THSD7A: variants seen among roughly 807,000 people sequenced by gnomAD.
THSD7A encodes thrombospondin type-1 domain-containing protein 7A.
THSD7A carries 96 observed loss-of-function variants against 231.3 expected under a neutral mutation model. The ratio of observed to expected loss-of-function variants is 0.41; its 90% confidence interval spans 0.35 to 0.49. THSD7A has a LOEUF of 0.49. Among genes scored for constraint, THSD7A ranks in the 20% least tolerant of loss-of-function variants. The pLI is 0.05. For missense variants in THSD7A, 2,290 were observed against 2,070.2 expected, an observed-to-expected ratio of 1.11 and a Z score of -2.06; for synonymous variants, 940 against 743.3, an observed-to-expected ratio of 1.26 and a Z score of -4.30.
intron 1 of THSD7A, among the ~76,000 whole-genome samples, chr7:11,811,769 T>G (rs2355099): frequency 6.6e-6 from 1 of 152,078 alleles, no homozygotes. Flanking sequence ...TAGCTGCCTG[T>G]GGACAAATAT....
chr7:11,377,702 G>A lies in THSD7A; in HGVS notation c.4802-1045C>T, dbSNP rs549542158. 4.6e-5 allele frequency among the ~76,000 whole-genome samples: 7 copies of A among 152,124 alleles called. No individual in the cohort carries two copies. The South Asian group carries it at 1.5e-3, about 32-fold the overall frequency. On this transcript the variant is annotated intron_variant, in intron 26 of 27. Transcript: ENST00000423059. This position sits in a 1 kb window ranked among gnomAD's most constrained non-coding sequence, Gnocchi z 4.5. ...TTTAGAATCAAAAGAGCTGTTCCAC[G>A]ATTGAGGATCTCTGTTGAGAGTTTC...
rs1172707436 is a variant in THSD7A, at chr7:11,480,844, C to T, written c.2017+944G>A. Among the ~76,000 whole-genome samples the T allele has an allele frequency of 2.6e-5, 4 of 152,148 alleles. No homozygotes were observed. In the East Asian group the frequency reaches 5.8e-4, roughly 22 times the overall value. ...AAAAGTATAGGCAACACAAAACTCC[C>T]CCCAAATCGATAATTTGGGGAAAAC... On this transcript the variant is annotated intron_variant, in intron 7 of 27. Coordinates refer to ENST00000423059, the MANE Select transcript of THSD7A (RefSeq NM_015204.3).
chr7:11,537,218 A>C (rs2128321314), intron 6 of THSD7A, among the ~76,000 whole-genome samples: 1 of 152,330 alleles, frequency 6.6e-6, no homozygotes, highest in South Asian at 2.1e-4. Flanking sequence ...ATCTTATTAC[A>C]GAAGGAAGAA....
At position 11,634,290 on chromosome 7, in the gene THSD7A, T is replaced by C. The variant is rs569119505; in HGVS notation, c.1022+1840A>G. ...TAAACTCTGCAGTTTTAAATATGTT[T>C]GTTTAATTCAAACAACTGGATGAGA... On this transcript the variant is annotated intron_variant, in intron 2 of 27. Transcript: ENST00000423059. The surrounding 1 kb of genome is among the most constrained non-coding windows in gnomAD (Gnocchi z 4.1). Among the ~76,000 whole-genome samples the C allele has an allele frequency of 1.3e-5, 2 of 152,312 alleles. No homozygotes were observed. The highest frequency in any genetic ancestry group is 4.8e-5 in the African/African-American group (2 of 41,582).
At chr7:11,550,863 G>A (rs536575050) in intron 4 of THSD7A, among the ~76,000 whole-genome samples, 2 of 151,930 alleles carry the variant, frequency 1.3e-5, no homozygotes, top group Non-Finnish European at 2.9e-5. Context: ...AATTAATATG[G>A]AACTGAAAAG....
At chr7:11,480,560 A>G (rs557709019) in intron 7 of THSD7A, among the ~76,000 whole-genome samples, 1 of 152,120 alleles carries the variant, frequency 6.6e-6, no homozygotes, top group Non-Finnish European at 1.5e-5. Context: ...GTATTTTTCA[A>G]TAGATACACT....
At chr7:11,587,949 G>C (rs1779982846) in intron 4 of THSD7A, among the ~76,000 whole-genome samples, 1 of 152,144 alleles carries the variant, frequency 6.6e-6, no homozygotes, top group South Asian at 2.1e-4. Flanking sequence ...GTGAAAACAA[G>C]TCATCTAGAG....
At chr7:11,681,321 G>A (rs1320366420) in intron 1 of THSD7A, among the ~76,000 whole-genome samples, 1 of 151,892 alleles carries the variant, frequency 6.6e-6, no homozygotes, top group African/African-American at 2.4e-5. Flanking sequence ...CATAGGCATG[G>A]GCAATGTATA....
chr7:11,562,939 A>C (rs991360912), intron 4 of THSD7A, among the ~76,000 whole-genome samples: 12 of 152,326 alleles, frequency 7.9e-5, no homozygotes, highest in Middle Eastern at 3.4e-3. Context: ...AAGCAGTTTT[A>C]ATTTCAAGAA....
intron 2 of THSD7A, among the ~76,000 whole-genome samples, chr7:11,598,402 C>A (rs1325467258): frequency 1.3e-5 from 2 of 152,174 alleles, no homozygotes; most frequent in Admixed American, 6.5e-5. Flanking sequence ...TCTGTGGACA[C>A]CATTCAGCCT....
intron 1 of THSD7A, among the ~76,000 whole-genome samples, chr7:11,659,747 C>A (rs945392605): frequency 1.1e-4 from 17 of 151,412 alleles, no homozygotes; most frequent in African/African-American, 4.1e-4. Context: ...AAATGTCCAG[C>A]TGCTTAATTA....
chr7:11,500,000 C>G (rs1787265862), intron 6 of THSD7A, among the ~76,000 whole-genome samples: 2 of 152,094 alleles, frequency 1.3e-5, no homozygotes, highest in African/African-American at 4.8e-5. Context: ...AGAAGATCAT[C>G]CATCCCCTAG....
At chr7:11,515,023 G>A (rs1787971737) in intron 6 of THSD7A, among the ~76,000 whole-genome samples, 1 of 152,052 alleles carries the variant, frequency 6.6e-6, no homozygotes, top group African/African-American at 2.4e-5. Flanking sequence ...GTCTTCTTTT[G>A]CTTTGAGTGG....
At chr7:11,709,574 T>C (rs1004200514) in intron 1 of THSD7A, among the ~76,000 whole-genome samples, 2 of 150,858 alleles carry the variant, frequency 1.3e-5, no homozygotes, top group East Asian at 2.0e-4. Context: ...TTTTGGTGTA[T>C]AGTTCAGTCA....
At chr7:11,778,498 G>C (rs1180636625) in intron 1 of THSD7A, among the ~76,000 whole-genome samples, 3 of 152,098 alleles carry the variant, frequency 2.0e-5, no homozygotes, top group African/African-American at 7.2e-5. Context: ...TTAGTCTCTA[G>C]TTTTTGAAAT....
rs190622923 is a variant in THSD7A at position 11,593,875 on chromosome 7, C to T, written c.1023-373G>A. Among the ~76,000 whole-genome samples the T allele has an allele frequency of 1.6e-4, 25 of 152,208 alleles. No homozygotes were observed. In the East Asian group the frequency reaches 4.8e-3, roughly 29 times the overall value. The stretch of plus-strand genomic sequence containing the variant: ...CTAATTTCCATTCTGTTTAGGGAAT[C>T]AAGTAAATATGCCTGCGTAAGTGTG... On this transcript the variant is annotated intron_variant, in intron 2 of 27. Transcript: ENST00000423059.
intron 1 of THSD7A, among the ~76,000 whole-genome samples, chr7:11,808,685 G>A (rs997538210): frequency 5.3e-5 from 8 of 152,022 alleles, no homozygotes; most frequent in Non-Finnish European, 1.0e-4. Context: ...ATGTAAACTA[G>A]GGTCTTTATT....
chr7:11,736,812 C>T (rs1256353165), intron 1 of THSD7A, among the ~76,000 whole-genome samples: 1 of 151,908 alleles, frequency 6.6e-6, no homozygotes, highest in Non-Finnish European at 1.5e-5. Context: ...ATGGCCCCAC[C>T]CAAATCTCAT....
chr7:11,752,870 G>A (rs1782547675), intron 1 of THSD7A, among the ~76,000 whole-genome samples: 1 of 152,032 alleles, frequency 6.6e-6, no homozygotes, highest in African/African-American at 2.4e-5. Context: ...AGGCTGCAGT[G>A]ATCCATGATC....
Sources: gnomAD v4.1 joint callset for allele counts (sites outside exome capture counted in the v4.1 genomes callset) on GRCh38, gnomAD v4.1.1 for gene constraint, Gnocchi (gnomAD v3.1) non-coding constraint, MANE v1.5 for transcripts, NCBI Gene and HGNC (gene_info 2026-07-23, HGNC 2026-07-21) for gene names.